Variants in ZDHHC2 observed in about 807,000 individuals in gnomAD.
The protein encoded by ZDHHC2 is zDHHC palmitoyltransferase 2, also known as palmitoyltransferase ZDHHC2.
ZDHHC2 carries 51 observed loss-of-function variants against 55.6 expected under a neutral mutation model. That is an observed-to-expected ratio of 0.92 (90% confidence interval 0.73 to 1.16). ZDHHC2 has a LOEUF of 1.16. ZDHHC2 is among the 50% of genes most tolerant of loss of function. The pLI is 0.00. For missense variants in ZDHHC2, 491 were observed against 442.4 expected, an observed-to-expected ratio of 1.11 and a Z score of -0.99; for synonymous variants, 199 against 152.9, an observed-to-expected ratio of 1.30 and a Z score of -2.22.
chr8:17,181,232 G>C lies in ZDHHC2; in HGVS notation c.131-3557G>C, dbSNP rs1021052295. On this transcript the variant is annotated intron_variant, in intron 1 of 12. Coordinates refer to ENST00000262096, the MANE Select transcript of ZDHHC2 (RefSeq NM_016353.5). Reference sequence around the variant, plus strand: ...TCAAATTAGTTGTCATGGTCTGTTTGTCTAAGTCAGTCTCTTACTCAGTAA... The same window carrying C: ...TCAAATTAGTTGTCATGGTCTGTTTCTCTAAGTCAGTCTCTTACTCAGTAA... Among the ~76,000 whole-genome samples the C allele has an allele frequency of 2.0e-5, 3 of 152,152 alleles. No individual in the cohort carries two copies. In the East Asian group the frequency reaches 5.8e-4, roughly 29 times the overall value.
intron 3 of ZDHHC2, among the ~76,000 whole-genome samples, chr8:17,192,728 G>T (rs1043603636): frequency 1.2e-4 from 18 of 152,118 alleles, no homozygotes; most frequent in African/African-American, 4.1e-4. Flanking sequence ...TTTCCCCAAC[G>T]TTTTCTTTTA....
intron 6 of ZDHHC2, among the ~76,000 whole-genome samples, chr8:17,204,411 T>C (rs1271080251): frequency 6.6e-6 from 1 of 152,248 alleles, no homozygotes; most frequent in East Asian, 1.9e-4. Flanking sequence ...GAAACCTGTA[T>C]GTTCTATTTA....
chr8:17,180,884 G>T (rs921121988), intron 1 of ZDHHC2, among the ~76,000 whole-genome samples: 2 of 152,170 alleles, frequency 1.3e-5, no homozygotes, highest in Admixed American at 6.5e-5. Context: ...CAAGCTGGGG[G>T]TGGAGGGAAC....
chr8:17,208,921 A>G (rs1428521443), intron 8 of ZDHHC2, among the ~76,000 whole-genome samples: 6 of 152,158 alleles, frequency 3.9e-5, no homozygotes, highest in Admixed American at 6.5e-5. Context: ...AGAAAAAGCT[A>G]TGTATCCTAG....
intron 4 of ZDHHC2, among the ~76,000 whole-genome samples, chr8:17,196,821 G>C (rs926298448): frequency 4.6e-5 from 7 of 151,948 alleles, no homozygotes; most frequent in South Asian, 2.1e-4. Flanking sequence ...TGAGGTGGGA[G>C]AATTGCTTGA....
chr8:17,170,312 A>G (rs1389922040), intron 1 of ZDHHC2, among the ~76,000 whole-genome samples: 1 of 152,210 alleles, frequency 6.6e-6, no homozygotes, highest in African/African-American at 2.4e-5. Context: ...ACCCAGTGCT[A>G]TCGTGCAGCA....
chr8:17,199,465 A>ACTT lies in ZDHHC2; in HGVS notation c.476+1099_476+1101dup, dbSNP rs377014817. ...CCTCTCCCCCAGTGTCTTTAATAAG[A>ACTT]CTTCTTCTTCTTCTTCTTCTTCTTC... is the stretch of plus-strand genomic sequence containing the variant. On this transcript the variant is annotated intron_variant, in intron 6 of 12. Coordinates refer to ENST00000262096, the MANE Select transcript of ZDHHC2 (RefSeq NM_016353.5). 2.8e-3 allele frequency among the ~76,000 whole-genome samples: 277 copies of ACTT among 98,568 alleles called. 5 individuals are homozygous for ACTT. The highest frequency in any genetic ancestry group is 6.9e-3 in the African/African-American group (174 of 25,136). The allele number at this position is 98,568 out of a possible 152,430, so 64.7% of individuals were successfully genotyped here.
In ZDHHC2 at chr8:17,156,484, C is replaced by A; in HGVS notation, c.-240C>A. 1 of 156,862 alleles carries A rather than the reference C, an allele frequency of 6.4e-6. No individual in the cohort carries two copies. Among genetic ancestry groups the A allele is most frequent in the South Asian group, 1.8e-4 (1 of 5,574 alleles). 9.7% of individuals were successfully genotyped at this position (156,862 alleles called of 1,614,324 possible). On this transcript the variant is annotated 5_prime_UTR_variant, in exon 1 of 13. Coordinates refer to ENST00000262096, the MANE Select transcript of ZDHHC2 (RefSeq NM_016353.5). ...CCGCCGCCTCACCGCCCCCCTCCGC[C>A]TCCTCGGCCTCCGCTCGCAGCCGCC...
At chr8:17,164,613 T>C (rs1804514980) in intron 1 of ZDHHC2, among the ~76,000 whole-genome samples, 1 of 152,192 alleles carries the variant, frequency 6.6e-6, no homozygotes, top group South Asian at 2.1e-4. Flanking sequence ...AAAAAACCTT[T>C]TTCTCTAATT....
intron 1 of ZDHHC2, among the ~76,000 whole-genome samples, chr8:17,165,776 G>C (rs981329196): frequency 2.0e-5 from 3 of 152,182 alleles, no homozygotes; most frequent in Admixed American, 1.3e-4. Flanking sequence ...CCAGAGGAAG[G>C]TTTCGATTTT....
chr8:17,191,345 C>G (rs1312429496), intron 3 of ZDHHC2, among the ~76,000 whole-genome samples: 1 of 152,188 alleles, frequency 6.6e-6, no homozygotes, highest in African/African-American at 2.4e-5. Context: ...GATCCACTCG[C>G]CTTGGCCTCC....
chr8:17,160,471 A>G (rs1243989874), intron 1 of ZDHHC2, among the ~76,000 whole-genome samples: 2 of 152,214 alleles, frequency 1.3e-5, no homozygotes, highest in African/African-American at 4.8e-5. Context: ...TTTTTAAACG[A>G]AAGAGTTAAA....
At chr8:17,158,717 T>TG (rs1382554350) in intron 1 of ZDHHC2, among the ~76,000 whole-genome samples, 1 of 152,252 alleles carries the variant, frequency 6.6e-6, no homozygotes, top group Non-Finnish European at 1.5e-5. Flanking sequence ...AGAGGAAGAA[T>TG]GCCTCTTTTT....
At chr8:17,171,969 T>G (rs561174147) in intron 1 of ZDHHC2, among the ~76,000 whole-genome samples, 2 of 151,878 alleles carry the variant, frequency 1.3e-5, no homozygotes, top group Admixed American at 1.3e-4. Context: ...AGGACTTAAC[T>G]TGTGCAAGCT....
intron 9 of ZDHHC2, 39 bp from the exon 10 acceptor site, chr8:17,210,349 T>A: frequency 6.3e-7 from 1 of 1,587,490 alleles, no homozygotes; most frequent in Non-Finnish European, 8.6e-7. Flanking sequence ...TCCGTTGTCT[T>A]TTGTATGGTT....
At chr8:17,212,790 ACAGT>A (rs565630879) in intron 10 of ZDHHC2, among the ~76,000 whole-genome samples, 4 of 151,990 alleles carry the variant, frequency 2.6e-5, no homozygotes, top group Non-Finnish European at 5.9e-5. Context: ...CTGACCCCAG[ACAGT>A]CATTCTTTTT....
chr8:17,182,156 G>A (rs763992289), intron 1 of ZDHHC2, among the ~76,000 whole-genome samples: 2 of 152,016 alleles, frequency 1.3e-5, no homozygotes, highest in Non-Finnish European at 2.9e-5. Context: ...CTTAATCAGT[G>A]GCAAGTGATA....
In ZDHHC2 at chr8:17,210,310, C is replaced by T. The variant is rs139878162; in HGVS notation, c.858-78C>T. 1,473 of 1,409,718 alleles carry T rather than the reference C, an allele frequency of 1.0e-3. 10 individuals carry two copies. In the African/African-American group the frequency reaches 0.018, roughly 18 times the overall value. The allele number at this position is 1,409,718 out of a possible 1,614,324, so 87.3% of individuals were successfully genotyped here. ...CCTAGAGTATAGCATGTTCTGCTCT[C>T]GGACATCAGCATTTTGGCAGGGTTT... On this transcript the variant is annotated intron_variant, in intron 9 of 12. Transcript: ENST00000262096.
chr8:17,217,108 T>C, intron 11 of ZDHHC2, 64 bp from the exon 12 acceptor site: 1 of 1,521,006 alleles, frequency 6.6e-7, no homozygotes. Flanking sequence ...CATAGATGAA[T>C]AAGAAGTTTC....
Sources: allele counts gnomAD v4.1 joint callset (sites outside exome capture counted in the v4.1 genomes callset), GRCh38; gene constraint gnomAD v4.1.1; transcripts MANE v1.5; gene names NCBI Gene and HGNC (gene_info 2026-07-23, HGNC 2026-07-21).